The following CES4A variants were observed in gnomAD, a reference collection of about 807,000 sequenced individuals.
The protein encoded by CES4A is carboxylesterase 4A.
CES4A carries 48 observed loss-of-function variants against 65.4 expected under a neutral mutation model. That is an observed-to-expected ratio of 0.73 (90% CI 0.58 to 0.93). The LOEUF is 0.93. Ranked by LOEUF, CES4A falls within the 40% of genes least tolerant of loss-of-function variation. The pLI, the probability that CES4A is intolerant of heterozygous loss-of-function variation, is 0.00. For missense variants in CES4A, 685 were observed against 728.5 expected, an observed-to-expected ratio of 0.94 and a Z score of 0.69; for synonymous variants, 247 against 281.8, an observed-to-expected ratio of 0.88 and a Z score of 1.24.
chr16:66,988,961 G>A, intron 1 of CES4A, 131 bp downstream of exon 1: 1 of 1,139,636 alleles, frequency 8.8e-7, no homozygotes, highest in Non-Finnish European at 1.2e-6. Context: ...CAAATGGAGG[G>A]TAGGGTTTCA....
rs1199120049 is a variant in CES4A at position 67,001,392 on chromosome 16, C to T, written c.621C>T (p.Ala207=). The T allele has an allele frequency of 3.1e-6, 5 of 1,613,564 alleles. No homozygotes were observed. In the African/African-American group the frequency reaches 5.3e-5, roughly 17 times the overall value. Residue 207 remains alanine, a synonymous_variant, in exon 5 of 14, where the codon GCC becomes GCT. Coordinates refer to ENST00000648724, the Ensembl canonical transcript of CES4A. This position sits in a 1 kb window ranked among gnomAD's most constrained non-coding sequence, Gnocchi z 4.1. ...GCTGGGTGCAGGAGAACATCGCAGC[C>T]TTCGGGGGAGACCCAGGAAATGTGA...
intron 11 of CES4A, chr16:67,006,040 G>A (rs545905259): frequency 2.0e-5 from 5 of 245,948 alleles, no homozygotes; most frequent in East Asian, 9.6e-5. Flanking sequence ...GGTTAAAGGG[G>A]GGGGGGCTGG....
chr16:66,999,982 C>T (rs1461668248), intron 2 of CES4A, among the ~76,000 whole-genome samples: 4 of 152,142 alleles, frequency 2.6e-5, no homozygotes, highest in Non-Finnish European at 4.4e-5. Flanking sequence ...CATGTATCTA[C>T]AGCAAAGGGT....
At position 67,003,017 on chromosome 16, in the gene CES4A, C is replaced by T. The variant is rs1036199609; in HGVS notation, c.691-53C>T. The T allele has an allele frequency of 1.4e-6, 2 of 1,473,732 alleles. No homozygotes were observed. The highest frequency in any genetic ancestry group is 1.4e-5 in the African/African-American group (1 of 72,058). 91.3% of individuals were successfully genotyped at this position (1,473,732 alleles called of 1,614,324 possible). A position where few individuals can be genotyped will look rare whatever the true frequency, so the allele number is the denominator to read the frequency against. ...TGGCCAGACAGATGCCCAGAACAGC[C>T]CAGGTGTCTCTACTTGGGCATCTCA... is the stretch of plus-strand genomic sequence containing the variant. On this transcript the variant is annotated intron_variant, in intron 5 of 13. Coordinates refer to ENST00000648724, the Ensembl canonical transcript of CES4A. The surrounding 1 kb of genome is among the most constrained non-coding windows in gnomAD (Gnocchi z 4.2).
chr16:67,008,909 G>A, intron 13 of CES4A, 65 bp from the exon 14 acceptor site: 11 of 1,519,608 alleles, frequency 7.2e-6, no homozygotes, highest in African/African-American at 1.4e-5. Flanking sequence ...AACGAGGGAA[G>A]GGTGAAAGAA....
At chr16:67,006,128 G>T in intron 11 of CES4A, 1 of 433,824 alleles carries the variant, frequency 2.3e-6, no homozygotes, top group Non-Finnish European at 4.2e-6. Context: ...AGGCTTCCAT[G>T]ATCCTGGCCA....
At chr16:66,997,424 G>A (rs898182932) in intron 2 of CES4A, among the ~76,000 whole-genome samples, 17 of 152,146 alleles carry the variant, frequency 1.1e-4, no homozygotes, top group East Asian at 7.7e-4. Flanking sequence ...GGTGGGCAGC[G>A]GGAGAGGAGG....
At chr16:66,990,772 T>A (rs1335072812) in intron 1 of CES4A, among the ~76,000 whole-genome samples, 5 of 151,332 alleles carry the variant, frequency 3.3e-5, no homozygotes, top group African/African-American at 9.7e-5. Context: ...TATTCTGGGG[T>A]TTTTCTTTTT....
intron 2 of CES4A, among the ~76,000 whole-genome samples, chr16:66,998,547 A>C (rs999157301): frequency 1.3e-5 from 2 of 152,152 alleles, no homozygotes; most frequent in Non-Finnish European, 1.5e-5. Flanking sequence ...ATGTCACTGC[A>C]TTGCTGCCTG....
chr16:67,008,886 CA>C lies in CES4A; in HGVS notation c.1518-86del, dbSNP rs1965977833. On this transcript the variant is annotated intron_variant, in intron 13 of 13. Coordinates refer to ENST00000648724, the Ensembl canonical transcript of CES4A. The stretch of plus-strand genomic sequence containing the variant: ...TAAAGCCCTCTGGAACCCCAAGTCC[CA>C]AGGGCAAATTAAACGAGGGAAGGGT... The C allele has an allele frequency of 7.2e-6, 10 of 1,392,558 alleles. No homozygotes were observed. In the East Asian group the frequency reaches 2.3e-4, roughly 32 times the overall value. 86.3% of individuals were successfully genotyped at this position (1,392,558 alleles called of 1,614,324 possible). A position where few individuals can be genotyped will look rare whatever the true frequency, so the allele number is the denominator to read the frequency against.
chr16:66,993,829 C>T (rs979636246), intron 1 of CES4A, among the ~76,000 whole-genome samples: 12 of 151,970 alleles, frequency 7.9e-5, no homozygotes, highest in African/African-American at 1.4e-4. Flanking sequence ...AGGCCGGGCG[C>T]GGTGGCTCAT....
At chr16:66,999,707 TAGG>T (rs774731879) in intron 2 of CES4A, among the ~76,000 whole-genome samples, 32 of 152,152 alleles carry the variant, frequency 2.1e-4, no homozygotes, top group South Asian at 1.2e-3. Context: ...AAGATTGAGG[TAGG>T]AGAATTGCTT....
exon 14 of CES4A, chr16:67,009,540 C>A: frequency 5.9e-6 from 1 of 169,772 alleles, no homozygotes. Context: ...CTGCACCCAG[C>A]TTGGCATTTA....
rs1462998154 is a variant in CES4A at position 67,003,761 on chromosome 16, A to T, written c.939+208A>T. 1.3e-5 allele frequency among the ~76,000 whole-genome samples: 2 copies of T among 152,190 alleles called. No individual in the cohort carries two copies. ...TGAATAGCAAGGAATGGAGAGGGTA[A>T]AGGGGTTGGACATTTTGGGAGGTAT... is the stretch of plus-strand genomic sequence containing the variant. On this transcript the variant is annotated intron_variant, in intron 8 of 13. Transcript: ENST00000648724. The surrounding 1 kb of genome is among the most constrained non-coding windows in gnomAD (Gnocchi z 4.2).
At chr16:66,989,607 C>G (rs2145563882) in intron 1 of CES4A, among the ~76,000 whole-genome samples, 1 of 152,106 alleles carries the variant, frequency 6.6e-6, no homozygotes, top group South Asian at 2.1e-4. Context: ...CCTGTAATCC[C>G]AGCACTTTGG....
exon 2 of CES4A, chr16:66,995,819 T>C (rs1233336189): frequency 6.2e-7 from 1 of 1,613,414 alleles, no homozygotes; most frequent in Admixed American, 1.7e-5. Flanking sequence ...TGCTACCACC[T>C]ACCCGCCTGG....
At chr16:67,004,703 G>A (rs1965616365) in intron 9 of CES4A, 90 bp from the exon 10 acceptor site, 2 of 1,018,118 alleles carry the variant, frequency 2.0e-6, no homozygotes, top group Non-Finnish European at 3.0e-6. Context: ...TCATTAGATG[G>A]GCAAGACCTT....
rs1965246846 is a variant in CES4A, at chr16:67,000,801, C to T, written c.402+22C>T. The T allele has an allele frequency of 3.2e-6, 5 of 1,550,716 alleles. No individual in the cohort carries two copies. The highest frequency in any genetic ancestry group is 4.4e-6 in the Non-Finnish European group (5 of 1,146,390). On this transcript the variant is annotated intron_variant, in intron 3 of 13. Coordinates refer to ENST00000648724, the Ensembl canonical transcript of CES4A. The surrounding 1 kb of genome is among the most constrained non-coding windows in gnomAD (Gnocchi z 4.2). ...GCCAGTGAGTGCCAGGTCTCCCGCG[C>T]CCGCGGTCCCACCGCCGCCCACCGC...
In CES4A at chr16:67,004,014, G is replaced by A. The variant is rs200472215; in HGVS notation, c.940-70G>A. Reference sequence around the variant, plus strand: ...CTAGGCTAGAGCAGCCTCTGAAGGGGCACCCAAGGTTGCAGGGACCCTGGG... The same window carrying A: ...CTAGGCTAGAGCAGCCTCTGAAGGGACACCCAAGGTTGCAGGGACCCTGGG... On this transcript the variant is annotated intron_variant, in intron 8 of 13. Coordinates refer to ENST00000648724, the Ensembl canonical transcript of CES4A. 4.2e-3 allele frequency: 6,483 copies of A among 1,540,254 alleles called. 15 individuals carry two copies. Among genetic ancestry groups the A allele is most frequent in the Non-Finnish European group, 5.2e-3 (5,820 of 1,119,404 alleles).
Sources: allele counts gnomAD v4.1 joint callset (sites outside exome capture counted in the v4.1 genomes callset), GRCh38; gene constraint gnomAD v4.1.1; non-coding constraint Gnocchi (gnomAD v3.1); transcripts MANE v1.5; gene names NCBI Gene and HGNC (gene_info 2026-07-23, HGNC 2026-07-21).